NIPSNAP3A: variants seen among roughly 807,000 people sequenced by gnomAD.
The protein encoded by NIPSNAP3A is protein NipSnap homolog 3A.
A neutral mutation model predicts 32.3 loss-of-function variants in NIPSNAP3A; 27 were observed. That is an observed-to-expected ratio of 0.84 (90% CI 0.62 to 1.15). NIPSNAP3A has a LOEUF of 1.15. Ranked by LOEUF, NIPSNAP3A falls within the 50% of genes most tolerant of loss-of-function variation. NIPSNAP3A has a pLI of 0.00. For missense variants in NIPSNAP3A, 278 were observed against 297.2 expected (o/e 0.94, Z 0.48); for synonymous variants, 108 against 107.3 (o/e 1.01, Z -0.04).
chr9:104,752,630 C>T (rs1467174126), intron 2 of NIPSNAP3A, among the ~76,000 whole-genome samples: 1 of 152,152 alleles, frequency 6.6e-6, no homozygotes, highest in East Asian at 1.9e-4. Flanking sequence ...CAGAAAGATT[C>T]AATAACTTAC....
intron 1 of NIPSNAP3A, among the ~76,000 whole-genome samples, chr9:104,748,060 A>C (rs1827798608): frequency 6.6e-6 from 1 of 152,240 alleles, no homozygotes; most frequent in East Asian, 1.9e-4. Flanking sequence ...TGCTAGGGGA[A>C]TACCCCCAGC....
chr9:104,747,982 G>A (rs1827797275), intron 1 of NIPSNAP3A, 130 bp downstream of exon 1: 4 of 808,884 alleles, frequency 4.9e-6, no homozygotes, highest in South Asian at 1.8e-5. Context: ...GGGCCCCGGT[G>A]AGGTTCTAGC....
rs72730701 is a variant in NIPSNAP3A at position 104,754,832 on chromosome 9, T to C, written c.580+132T>C. ...CAAATGTTTAGTTTTTTGTAATTTTTAAAATTGAGAAAATCTGTTTTACAT... is the reference window on the plus strand; with the variant it reads ...CAAATGTTTAGTTTTTTGTAATTTTCAAAATTGAGAAAATCTGTTTTACAT... On this transcript the variant is annotated intron_variant, in intron 4 of 5. Coordinates refer to ENST00000374767, the MANE Select transcript of NIPSNAP3A (RefSeq NM_015469.3). The C allele has an allele frequency of 5.0e-3, 3,507 of 707,976 alleles. 21 individuals are homozygous for C. Among genetic ancestry groups the C allele is most frequent in the Non-Finnish European group, 6.2e-3 (2,639 of 424,266 alleles). 43.9% of individuals were successfully genotyped at this position (707,976 alleles called of 1,614,324 possible). A position where few individuals can be genotyped will look rare whatever the true frequency, so the allele number is the denominator to read the frequency against.
At chr9:104,749,670 C>T (rs758413920) in intron 1 of NIPSNAP3A, among the ~76,000 whole-genome samples, 4 of 151,800 alleles carry the variant, frequency 2.6e-5, no homozygotes, top group Non-Finnish European at 5.9e-5. Context: ...TGTGTGTGTG[C>T]GTATGTGTGT....
rs976918259 is a variant in NIPSNAP3A, at chr9:104,759,320, G to A, written c.726G>A (p.Ser242=). 4 of 1,613,476 alleles carry A rather than the reference G, an allele frequency of 2.5e-6. No homozygotes were observed. Among genetic ancestry groups the A allele is most frequent in the African/African-American group, 2.7e-5 (2 of 74,900 alleles). The change falls in exon 6 of 6, where the codon TCG becomes TCA. Residue 242 remains serine, a synonymous_variant. Transcript: ENST00000374767. ...SQQNMLLIPT[S]FSPLK ...AGAATATGCTTCTGATTCCTACATC[G>A]TTTTCACCACTGAAATAGTTTTCTA...
In NIPSNAP3A at chr9:104,754,695, A is replaced by G. The variant is rs777832494; in HGVS notation, c.575A>G (p.Asn192Ser). The G allele has an allele frequency of 1.2e-6, 2 of 1,613,126 alleles. No individual in the cohort carries two copies. The highest frequency in any genetic ancestry group is 1.7e-6 in the Non-Finnish European group (2 of 1,179,182). The change falls in exon 4 of 6, where the codon AAC becomes AGC. Residue 192 changes from asparagine to serine, a missense_variant. Physicochemically the swap from Asn to Ser is conservative, Grantham distance 46 (BLOSUM62 1). Transcript: ENST00000374767. ...GVFHTEYGALNRVHVLWWNES... is the reference protein window; with the variant it reads ...GVFHTEYGALSRVHVLWWNES... ...TTCCACACAGAGTACGGAGCACTCA[A>G]CAGAGGTACAATTGTCCATTTCTTC...
intron 3 of NIPSNAP3A, among the ~76,000 whole-genome samples, 162 bp downstream of exon 3, chr9:104,753,226 C>G (rs541110340): frequency 1.3e-5 from 2 of 149,852 alleles, no homozygotes. Context: ...AGCTCTTACC[C>G]CATCCTTTAA....
chr9:104,756,151 G>A (rs1000038817), intron 4 of NIPSNAP3A, among the ~76,000 whole-genome samples: 6 of 152,110 alleles, frequency 3.9e-5, no homozygotes, highest in Admixed American at 2.6e-4. Context: ...ATACATGGAG[G>A]AGAAACTGTT....
At chr9:104,754,765 C>CACA in intron 4 of NIPSNAP3A, 65 bp downstream of exon 4, 2 of 1,305,086 alleles carry the variant, frequency 1.5e-6, no homozygotes, top group Non-Finnish European at 2.2e-6. Context: ...TTCCTTGGGT[C>CACA]AGGTTCTTTC....
chr9:104,750,907 A>G (rs1827840152), intron 1 of NIPSNAP3A, 49 bp from the exon 2 acceptor site: 6 of 1,423,392 alleles, frequency 4.2e-6, no homozygotes, highest in Non-Finnish European at 6.0e-6. Flanking sequence ...AACACAATAT[A>G]ATGAATCCTG....
At chr9:104,753,156 A>AAG in intron 3 of NIPSNAP3A, 92 bp downstream of exon 3, 1 of 1,041,646 alleles carries the variant, frequency 9.6e-7, no homozygotes, top group Non-Finnish European at 1.5e-6. Context: ...GAAAAAAATA[A>AAG]AATTAATTCT....
Position 104,759,091 on chromosome 9 carries a change from T to A in NIPSNAP3A, c.587T>A (p.Val196Asp), listed in dbSNP as rs775830397. 1.4e-5 allele frequency: 22 copies of A among 1,611,398 alleles called. No homozygotes were observed. The change falls in exon 5 of 6, where the codon GTT (valine) becomes GAT (aspartate). Residue 196 changes from valine to aspartate, a missense_variant. Transcript: ENST00000374767. ...TEYGALNRVH[V>D]LWWNESADSR... Reference sequence around the variant, plus strand: ...TTGTGGTTTATTTCTGCAGTTCATGTTCTTTGGTGGAATGAGAGTGCAGAT... The same window carrying A: ...TTGTGGTTTATTTCTGCAGTTCATGATCTTTGGTGGAATGAGAGTGCAGAT...
In NIPSNAP3A at chr9:104,752,898, TC is replaced by T. The variant is rs1827862392; in HGVS notation, c.272-5del. 12 of 1,609,614 alleles carry T rather than the reference TC, an allele frequency of 7.5e-6. No homozygotes were observed. The highest frequency in any genetic ancestry group is 6.8e-6 in the Non-Finnish European group (8 of 1,176,056). On this transcript the variant is annotated splice_polypyrimidine_tract_variant and splice_region_variant and intron_variant, in intron 2 of 5. Coordinates refer to ENST00000374767, the MANE Select transcript of NIPSNAP3A (RefSeq NM_015469.3). The stretch of plus-strand genomic sequence containing the variant: ...TTTTTATTTTTCTTAATTCTTTTCT[TC>T]CCACAGATAATTTTGCTCATCGAAC...
At chr9:104,747,902 C>A (rs77031938) in intron 1 of NIPSNAP3A, 50 bp downstream of exon 1, 10 of 73,412 alleles carry the variant, frequency 1.4e-4, no homozygotes, top group Admixed American at 9.3e-4. Flanking sequence ...AGGGGAGGGG[C>A]GGGGCGGGGA....
intron 4 of NIPSNAP3A, among the ~76,000 whole-genome samples, chr9:104,756,575 A>G (rs1223360456): frequency 6.6e-6 from 1 of 152,104 alleles, no homozygotes; most frequent in Non-Finnish European, 1.5e-5. Context: ...TAGGTCAGGA[A>G]AAAATAAGTA....
intron 4 of NIPSNAP3A, 110 bp from the exon 5 acceptor site, chr9:104,758,971 CAAAA>C (rs34457398): frequency 0.011 from 4,434 of 394,378 alleles, no homozygotes; most frequent in East Asian, 0.031. Context: ...ACTCTTGTTT[CAAAA>C]AAAAAAAAAA....
At chr9:104,753,091 G>A (rs1415236361) in intron 3 of NIPSNAP3A, 27 bp downstream of exon 3, 1 of 1,590,172 alleles carries the variant, frequency 6.3e-7, no homozygotes, top group African/African-American at 1.3e-5. Context: ...TAGTCACTGA[G>A]TTTTGATGAA....
At chr9:104,757,850 G>A (rs919416111) in intron 4 of NIPSNAP3A, among the ~76,000 whole-genome samples, 1 of 151,814 alleles carries the variant, frequency 6.6e-6, no homozygotes, top group Non-Finnish European at 1.5e-5. Flanking sequence ...CTAGGAGTTC[G>A]AGACCAGCCT....
intron 3 of NIPSNAP3A, 88 bp from the exon 4 acceptor site, chr9:104,754,463 G>T: frequency 1.9e-6 from 2 of 1,076,284 alleles, no homozygotes; most frequent in Non-Finnish European, 2.8e-6. Context: ...AAATCTGTGT[G>T]TGTAGATAGT....
Sources: gnomAD v4.1 joint callset for allele counts (sites outside exome capture counted in the v4.1 genomes callset) on GRCh38, gnomAD v4.1.1 for gene constraint, MANE v1.5 for transcripts, NCBI Gene and HGNC (gene_info 2026-07-23, HGNC 2026-07-21) for gene names.